Variants in TNNI3K observed in about 807,000 individuals in gnomAD.
TNNI3K encodes serine/threonine-protein kinase TNNI3K.
Under a neutral mutation model 114.5 loss-of-function variants are expected in TNNI3K, and 140 were observed. The ratio of observed to expected loss-of-function variants is 1.22; its 90% CI spans 1.07 to 1.41. The LOEUF is 1.41. Among genes scored for constraint, TNNI3K ranks in the 40% most tolerant of loss-of-function variants. The pLI is 0.00. For synonymous variants in TNNI3K, 347 were observed against 347.5 expected (o/e 1.00, Z 0.02); for missense variants, 1,125 against 1,007.6 (o/e 1.12, Z -1.58).
intron 17 of TNNI3K, among the ~76,000 whole-genome samples, chr1:74,401,549 A>T (rs1259952850): frequency 6.6e-6 from 1 of 152,194 alleles, no homozygotes; most frequent in Non-Finnish European, 1.5e-5. Flanking sequence ...TCCATACTCC[A>T]TTTGAACAAG....
intron 5 of TNNI3K, among the ~76,000 whole-genome samples, chr1:74,298,088 G>T (rs977864081): frequency 6.6e-6 from 1 of 152,058 alleles, no homozygotes; most frequent in African/African-American, 2.4e-5. Flanking sequence ...AATAAGTCAG[G>T]TCTAAGTGTG....
chr1:74,342,565 T>C (rs1036548135), intron 7 of TNNI3K, among the ~76,000 whole-genome samples: 1 of 152,166 alleles, frequency 6.6e-6, no homozygotes, highest in Admixed American at 6.6e-5. Flanking sequence ...ATGCTATTAG[T>C]TTCCCGAACT....
intron 21 of TNNI3K, among the ~76,000 whole-genome samples, chr1:74,479,116 AG>A (rs1302384114): frequency 2.0e-5 from 3 of 152,166 alleles, no homozygotes; most frequent in African/African-American, 7.2e-5. Flanking sequence ...AAAATACGTC[AG>A]TCTTGGATGC....
intron 21 of TNNI3K, chr1:74,480,736 G>C (rs1365256410): frequency 1.4e-6 from 1 of 717,512 alleles, no homozygotes; most frequent in Admixed American, 2.0e-5. Flanking sequence ...CCTGCAGGCT[G>C]TGAAGCTTGC....
intron 7 of TNNI3K, 107 bp downstream of exon 7, chr1:74,336,256 TC>T (rs1660457021): frequency 7.3e-7 from 1 of 1,365,380 alleles, no homozygotes. Context: ...AATCCTGTAG[TC>T]ATGTACTTAT....
intron 11 of TNNI3K, 140 bp downstream of exon 11, chr1:74,354,269 C>T: frequency 1.4e-6 from 2 of 1,410,394 alleles, no homozygotes; most frequent in Non-Finnish European, 1.9e-6. Flanking sequence ...TTTCTGGGGC[C>T]TTGGATCAAA....
intron 7 of TNNI3K, 77 bp downstream of exon 7, chr1:74,336,226 G>C (rs1660455874): frequency 2.0e-6 from 3 of 1,488,060 alleles, no homozygotes; most frequent in Non-Finnish European, 2.7e-6. Flanking sequence ...TCTTACTAGA[G>C]AATAATCTTG....
intron 5 of TNNI3K, among the ~76,000 whole-genome samples, chr1:74,314,754 C>G (rs1020359490): frequency 2.0e-5 from 3 of 152,040 alleles, no homozygotes; most frequent in Admixed American, 6.5e-5. Context: ...ATGTAATTGT[C>G]TTTGTTTCCT....
chr1:74,409,686 T>C (rs1664791981), intron 17 of TNNI3K, among the ~76,000 whole-genome samples: 1 of 151,388 alleles, frequency 6.6e-6, no homozygotes, highest in African/African-American at 2.4e-5. Flanking sequence ...TGGAGATGAG[T>C]TTTCACCTTG....
At chr1:74,493,931 C>T (rs1461561259) in intron 23 of TNNI3K, among the ~76,000 whole-genome samples, 2 of 152,140 alleles carry the variant, frequency 1.3e-5, no homozygotes, top group African/African-American at 4.8e-5. Flanking sequence ...ATTGCAAAGC[C>T]ATATGGCAAA....
chr1:74,474,378 G>T (rs1359302832), intron 21 of TNNI3K, among the ~76,000 whole-genome samples: 1 of 152,146 alleles, frequency 6.6e-6, no homozygotes, highest in African/African-American at 2.4e-5. Context: ...GAACTGGAGT[G>T]TGGGAATGCA....
chr1:74,256,933 C>T (rs1655351619), intron 4 of TNNI3K, among the ~76,000 whole-genome samples: 1 of 152,054 alleles, frequency 6.6e-6, no homozygotes, highest in Non-Finnish European at 1.5e-5. Context: ...GTATTTAAAA[C>T]TCTTTGAGAT....
At chr1:74,253,792 T>C (rs979720099) in intron 4 of TNNI3K, among the ~76,000 whole-genome samples, 7 of 152,042 alleles carry the variant, frequency 4.6e-5, no homozygotes, top group African/African-American at 1.7e-4. Context: ...AGGAAGGGGC[T>C]CCCACAGTGC....
intron 21 of TNNI3K, 36 bp downstream of exon 21, chr1:74,463,586 A>G (rs1173212980): frequency 1.9e-6 from 3 of 1,607,894 alleles, no homozygotes; most frequent in Non-Finnish European, 1.7e-6. Context: ...AAAATGTGTT[A>G]TGGTCAAAAT....
intron 23 of TNNI3K, among the ~76,000 whole-genome samples, chr1:74,539,511 T>C (rs1311158921): frequency 6.6e-6 from 1 of 152,076 alleles, no homozygotes; most frequent in Non-Finnish European, 1.5e-5. Context: ...GGGAAGGAAG[T>C]GACCCCATTT....
chr1:74,410,088 T>C (rs939779312), intron 17 of TNNI3K, among the ~76,000 whole-genome samples: 8 of 152,206 alleles, frequency 5.3e-5, no homozygotes, highest in Non-Finnish European at 1.0e-4. Flanking sequence ...ACAATTTTGT[T>C]TTAAAATAAT....
At chr1:74,427,157 G>A (rs72675311) in intron 17 of TNNI3K, among the ~76,000 whole-genome samples, 1,567 of 152,132 alleles carry the variant, frequency 0.01, 13 homozygotes, top group Non-Finnish European at 0.017. Flanking sequence ...CTCATCACAT[G>A]TAAATGTCCA....
chr1:74,289,617 C>T (rs1284877646), intron 5 of TNNI3K, among the ~76,000 whole-genome samples: 1 of 151,664 alleles, frequency 6.6e-6, no homozygotes, highest in Admixed American at 6.6e-5. Context: ...GAATTACAGT[C>T]CTGTGCTATA....
At chr1:74,296,467 C>G (rs1318592164) in intron 5 of TNNI3K, among the ~76,000 whole-genome samples, 2 of 151,820 alleles carry the variant, frequency 1.3e-5, no homozygotes, top group Non-Finnish European at 2.9e-5. Context: ...TTAATATAGA[C>G]TATTTATTTA....
Sources: allele counts gnomAD v4.1 joint callset (sites outside exome capture counted in the v4.1 genomes callset), GRCh38; gene constraint gnomAD v4.1.1; transcripts MANE v1.5; gene names NCBI Gene and HGNC (gene_info 2026-07-23, HGNC 2026-07-21).